Variants in APAF1 observed in about 807,000 individuals in gnomAD.
APAF1 encodes the protein apoptotic peptidase activating factor 1, also known as apoptotic protease-activating factor 1.
APAF1 carries 91 observed loss-of-function variants against 152.4 expected under a neutral mutation model. The ratio of observed to expected loss-of-function variants is 0.60; its 90% CI spans 0.50 to 0.71. APAF1 has a LOEUF of 0.71. APAF1 is among the 30% of genes least tolerant of loss of function. The pLI is 0.00. For missense variants in APAF1, 1,283 were observed against 1,472.0 expected (o/e 0.87, Z 2.10); for synonymous variants, 484 against 494.1 (o/e 0.98, Z 0.27).
chr12:98,648,652 G>C lies in APAF1; in HGVS notation c.165G>C (p.Met55Ile). 1 of 1,613,794 alleles carries C rather than the reference G, an allele frequency of 6.2e-7. No individual in the cohort carries two copies. The highest frequency in any genetic ancestry group is 8.5e-7 in the Non-Finnish European group (1 of 1,179,948). ...NEPTQQQRAA[M>I]LIKMILKKDN... ...CCACTCAACAGCAAAGAGCAGCTATGCTGATTAAAATGATACTTAAAAAAG... is the reference window on the plus strand; with the variant it reads ...CCACTCAACAGCAAAGAGCAGCTATCCTGATTAAAATGATACTTAAAAAAG... Residue 55 changes from methionine to isoleucine, a missense_variant, in exon 3 of 27, where the codon ATG (methionine) becomes ATC (isoleucine). Physicochemically the swap from Met to Ile is conservative, Grantham distance 10 (BLOSUM62 1). Transcript: ENST00000551964.
chr12:98,657,395 G>T (rs990019145), intron 4 of APAF1, among the ~76,000 whole-genome samples: 1 of 152,090 alleles, frequency 6.6e-6, no homozygotes, highest in Admixed American at 6.5e-5. Context: ...TTTTCTCTAT[G>T]CTGGGAAGTG....
intron 4 of APAF1, among the ~76,000 whole-genome samples, chr12:98,650,200 AT>A (rs554457354): frequency 4.7e-5 from 7 of 149,948 alleles, no homozygotes; most frequent in African/African-American, 9.8e-5. Context: ...GTAGTTAATA[AT>A]TTTTTTTTTA....
At chr12:98,686,932 T>C in intron 16 of APAF1, 59 bp downstream of exon 16, 1 of 1,547,800 alleles carries the variant, frequency 6.5e-7, no homozygotes, top group Non-Finnish European at 8.9e-7. Context: ...TATGATTTGA[T>C]TATAGAAATA....
In APAF1 at chr12:98,646,684, C is replaced by T. The variant is rs532539838; in HGVS notation, c.-42+849C>T. The stretch of plus-strand genomic sequence containing the variant: ...TGTATTGAATGAATGAATTGATAAA[C>T]CCGTTTAGACTCTTTCACTCTATAC... On this transcript the variant is annotated intron_variant, in intron 1 of 26. Coordinates refer to ENST00000551964, the MANE Select transcript of APAF1 (RefSeq NM_181861.2). 2.0e-5 allele frequency among the ~76,000 whole-genome samples: 3 copies of T among 152,246 alleles called. No homozygotes were observed. In the South Asian group the frequency reaches 6.2e-4, roughly 32 times the overall value.
At chr12:98,692,859 A>T (rs2097705793) in intron 16 of APAF1, among the ~76,000 whole-genome samples, 1 of 152,062 alleles carries the variant, frequency 6.6e-6, no homozygotes, top group Non-Finnish European at 1.5e-5. Context: ...ATACAAGTGC[A>T]TGTGTCTTTT....
At chr12:98,707,919 G>A (rs2097723505) in intron 19 of APAF1, among the ~76,000 whole-genome samples, 1 of 152,154 alleles carries the variant, frequency 6.6e-6, no homozygotes, top group Admixed American at 6.6e-5. Flanking sequence ...TGTGTTTAGT[G>A]ATGTAGTTGA....
rs368955909 is a variant in APAF1, at chr12:98,646,943, T to C, written c.-42+1108T>C. Among the ~76,000 whole-genome samples the C allele has an allele frequency of 8.5e-5, 13 of 152,282 alleles. 1 individual carries two copies. Among genetic ancestry groups the C allele is most frequent in the East Asian group, 3.9e-4 (2 of 5,192 alleles). ...TAGCAAGGAGGACCTAGAGCTGACA[T>C]CCTCCTTGAACGAGAACTAATACTC... is the stretch of plus-strand genomic sequence containing the variant. On this transcript the variant is annotated intron_variant, in intron 1 of 26. Coordinates refer to ENST00000551964, the MANE Select transcript of APAF1 (RefSeq NM_181861.2).
rs758021604 is a variant in APAF1 at position 98,665,676 on chromosome 12, A to T, written c.1079A>T (p.Asp360Val). The T allele has an allele frequency of 1.2e-6, 2 of 1,613,984 alleles. No individual in the cohort carries two copies. The highest frequency in any genetic ancestry group is 1.7e-5 in the Admixed American group (1 of 60,012). The change falls in exon 8 of 27, where the codon GAT (aspartate) becomes GTT (valine). Residue 360 changes from aspartate to valine, a missense_variant. Physicochemically the swap from Asp to Val is radical, Grantham distance 152. Transcript: ENST00000551964. ...FKRIRKSSSY[D>V]YEALDEAMSI... is the part of the protein sequence containing the mutation. Reference sequence around the variant, plus strand: ...AGAATAAGGAAATCTTCGTCTTATGATTATGAGGCTCTAGATGAAGCCATG... The same window carrying T: ...AGAATAAGGAAATCTTCGTCTTATGTTTATGAGGCTCTAGATGAAGCCATG...
intron 16 of APAF1, among the ~76,000 whole-genome samples, chr12:98,696,018 C>T (rs753139253): frequency 4.6e-5 from 7 of 152,182 alleles, no homozygotes; most frequent in Non-Finnish European, 1.0e-4. Context: ...CTGTCTCTTT[C>T]TCCATTTTCC....
intron 22 of APAF1, among the ~76,000 whole-genome samples, chr12:98,719,677 A>C (rs1377910065): frequency 1.3e-5 from 2 of 152,020 alleles, no homozygotes; most frequent in Non-Finnish European, 2.9e-5. Flanking sequence ...TAATGCCTTT[A>C]GGATTCTGTT....
intron 4 of APAF1, among the ~76,000 whole-genome samples, chr12:98,655,779 A>G (rs907034413): frequency 1.3e-5 from 2 of 150,740 alleles, no homozygotes; most frequent in Non-Finnish European, 3.0e-5. Context: ...TGCCTGGCCA[A>G]AATTTTTCTT....
chr12:98,668,721 A>C (rs962945699), intron 10 of APAF1, among the ~76,000 whole-genome samples: 2 of 152,208 alleles, frequency 1.3e-5, no homozygotes, highest in African/African-American at 4.8e-5. Context: ...CCATGAACTG[A>C]AACAGGGGTC....
intron 12 of APAF1, among the ~76,000 whole-genome samples, chr12:98,674,662 G>C (rs1287603264): frequency 6.6e-6 from 1 of 152,126 alleles, no homozygotes; most frequent in Admixed American, 6.6e-5. Context: ...GACTGCCTGG[G>C]TTTGAATCCC....
intron 20 of APAF1, among the ~76,000 whole-genome samples, chr12:98,712,116 T>A (rs966022991): frequency 6.6e-6 from 1 of 152,230 alleles, no homozygotes; most frequent in African/African-American, 2.4e-5. Context: ...GAAAATGTAT[T>A]TGAACCACCA....
At chr12:98,683,726 C>T (rs1217650397) in intron 15 of APAF1, among the ~76,000 whole-genome samples, 2 of 152,274 alleles carry the variant, frequency 1.3e-5, no homozygotes, top group South Asian at 2.1e-4. Context: ...AGGGTAACCC[C>T]AGTGGACAGT....
rs945612121 is a variant in APAF1 at position 98,723,651 on chromosome 12, A to G, written c.3217A>G (p.Ile1073Val). 1.3e-6 allele frequency: 2 copies of G among 1,555,048 alleles called. No individual in the cohort carries two copies. The highest frequency in any genetic ancestry group is 4.5e-5 in the East Asian group (2 of 44,396). ...TTTTTTTTTTAAGGTATGGAATATT[A>G]TTACTGGAAATAAAGAAAAAGACTT... ...FDGTVKVWNI[I>V]TGNKEKDFVC... Residue 1073 changes from isoleucine to valine, a missense_variant, in exon 24 of 27, where the codon ATT becomes GTT. Transcript: ENST00000551964.
At chr12:98,719,643 C>T (rs1236692019) in intron 22 of APAF1, among the ~76,000 whole-genome samples, 1 of 152,000 alleles carries the variant, frequency 6.6e-6, no homozygotes, top group South Asian at 2.1e-4. Flanking sequence ...TAAGCCACCA[C>T]GCCTGGCCAC....
intron 5 of APAF1, among the ~76,000 whole-genome samples, chr12:98,661,048 C>T (rs1036674542): frequency 3.3e-5 from 5 of 152,082 alleles, no homozygotes; most frequent in African/African-American, 9.7e-5. Context: ...ACTACAGGCT[C>T]CCCACCACAC....
chr12:98,714,354 C>T (rs369603958), intron 21 of APAF1, among the ~76,000 whole-genome samples: 5 of 152,328 alleles, frequency 3.3e-5, no homozygotes, highest in African/African-American at 1.2e-4. Flanking sequence ...TATAAAGTGG[C>T]AGTTTCATAT....
Sources: gnomAD v4.1 joint callset for allele counts (sites outside exome capture counted in the v4.1 genomes callset) on GRCh38, gnomAD v4.1.1 for gene constraint, MANE v1.5 for transcripts, NCBI Gene and HGNC (gene_info 2026-07-23, HGNC 2026-07-21) for gene names.